RUNX1: variants seen among roughly 807,000 people sequenced by gnomAD.
RUNX1 encodes the protein runt-related transcription factor 1.
A neutral mutation model predicts 42.8 loss-of-function variants in RUNX1; 19 were observed. The ratio of observed to expected loss-of-function variants is 0.44; its 90% confidence interval spans 0.31 to 0.65. The LOEUF (loss-of-function observed/expected upper bound fraction) is 0.65. Ranked by LOEUF, RUNX1 falls within the 30% of genes least tolerant of loss-of-function variation. The probability of loss-of-function intolerance (pLI) is 0.07; values close to 1 mark genes in which losing one functional copy is unlikely to be tolerated. For missense variants in RUNX1, 528 were observed against 672.0 expected, an observed-to-expected ratio of 0.79 and a Z score of 2.37; for synonymous variants, 271 against 289.4, an observed-to-expected ratio of 0.94 and a Z score of 0.64.
At chr21:35,030,878 C>T (rs1433797787) in intron 2 of RUNX1, among the ~76,000 whole-genome samples, 1 of 151,826 alleles carries the variant, frequency 6.6e-6, no homozygotes, top group Non-Finnish European at 1.5e-5. Flanking sequence ...AACTCAATAG[C>T]AAGGAAATAA....
At position 34,834,507 on chromosome 21, in the gene RUNX1, C is replaced by G. The variant is rs1060502578; in HGVS notation, c.708G>C (p.Met236Ile). Residue 236 changes from methionine to isoleucine, a missense_variant, in exon 7 of 9, where the codon ATG (methionine) becomes ATC (isoleucine). Coordinates refer to ENST00000675419, the MANE Select transcript of RUNX1 (RefSeq NM_001754.5). ...GGGCTGGGTGGTGTGGGCTGACCCT[C>G]ATGGCTGTGCGCCGCAGCTGCTCCA... ...SELEQLRRTA[M>I]RVSPHHPAPT... 1 of 1,613,408 alleles carries G rather than the reference C, an allele frequency of 6.2e-7. No individual in the cohort carries two copies. Among genetic ancestry groups the G allele is most frequent in the Non-Finnish European group, 8.5e-7 (1 of 1,179,988 alleles).
intron 6 of RUNX1, among the ~76,000 whole-genome samples, chr21:34,854,304 A>G (rs1200929723): frequency 6.6e-6 from 1 of 152,224 alleles, no homozygotes; most frequent in Non-Finnish European, 1.5e-5. Context: ...AGGCCCTTTG[A>G]TCAACCTATT....
chr21:35,019,766 AAGCCAAG>A (rs1458375234), intron 2 of RUNX1, among the ~76,000 whole-genome samples: 7 of 152,262 alleles, frequency 4.6e-5, no homozygotes, highest in Non-Finnish European at 1.0e-4. Flanking sequence ...AAACCTGCCG[AAGCCAAG>A]TCCATCGCCA....
chr21:34,995,555 C>T (rs1207630297), intron 2 of RUNX1, among the ~76,000 whole-genome samples: 1 of 151,568 alleles, frequency 6.6e-6, no homozygotes, highest in Admixed American at 6.6e-5. Context: ...ACCCTCCTGC[C>T]TCAGCCTCTC....
chr21:34,820,037 C>T (rs945804479), intron 7 of RUNX1, among the ~76,000 whole-genome samples: 4 of 152,380 alleles, frequency 2.6e-5, no homozygotes, highest in Middle Eastern at 3.4e-3. Flanking sequence ...TGACCATTCA[C>T]ATTTGTTGAA....
chr21:34,886,122 T>A (rs2057982651), intron 4 of RUNX1, among the ~76,000 whole-genome samples: 1 of 152,168 alleles, frequency 6.6e-6, no homozygotes, highest in African/African-American at 2.4e-5. Flanking sequence ...GACCCCTGGC[T>A]CTCCGAAAAC....
In RUNX1 at chr21:34,877,079, G is replaced by A. The variant is rs1601508890; in HGVS notation, c.508+3478C>T. Among the ~76,000 whole-genome samples the A allele has an allele frequency of 2.6e-5, 4 of 152,210 alleles. No homozygotes were observed. The East Asian group carries it at 7.7e-4, about 29-fold the overall frequency. On this transcript the variant is annotated intron_variant, in intron 5 of 8. Coordinates refer to ENST00000675419, the MANE Select transcript of RUNX1 (RefSeq NM_001754.5). ...TCACCATGTTGGCCAGGCTGGTCTT[G>A]AACTCCTGACCTCAGGTGATCCACC...
chr21:34,971,996 T>TA (rs1206426437), intron 2 of RUNX1, among the ~76,000 whole-genome samples: 1 of 152,186 alleles, frequency 6.6e-6, no homozygotes, highest in Non-Finnish European at 1.5e-5. Context: ...ACCATAATTT[T>TA]AAAAATATAG....
intron 2 of RUNX1, among the ~76,000 whole-genome samples, chr21:35,030,079 C>G (rs537051370): frequency 6.6e-6 from 1 of 152,198 alleles, no homozygotes; most frequent in Admixed American, 6.5e-5. Flanking sequence ...TGCGGTGGCT[C>G]ACGCCTGTAA....
chr21:34,966,261 C>A (rs2058717523), intron 2 of RUNX1, among the ~76,000 whole-genome samples: 1 of 152,156 alleles, frequency 6.6e-6, no homozygotes, highest in Non-Finnish European at 1.5e-5. Context: ...TACCTTGCAT[C>A]ATGAATAATA....
chr21:34,861,277 C>G (rs1192843100), intron 5 of RUNX1, among the ~76,000 whole-genome samples: 3 of 152,156 alleles, frequency 2.0e-5, no homozygotes, highest in Non-Finnish European at 4.4e-5. Flanking sequence ...CTTGGCCAGG[C>G]CCAGCAAGCA....
At position 34,887,001 on chromosome 21, in the gene RUNX1, C is replaced by T. The variant is rs2146412555; in HGVS notation, c.193G>A (p.Ala65Thr). 1 of 1,603,750 alleles carries T rather than the reference C, an allele frequency of 6.2e-7. No individual in the cohort carries two copies. Among genetic ancestry groups the T allele is most frequent in the African/African-American group, 1.3e-5 (1 of 74,906 alleles). Residue 65 changes from alanine (A) to threonine (T), a missense_variant, in exon 4 of 9, where the codon GCT becomes ACT. By Grantham distance (58) the Ala-to-Thr change is moderately conservative (BLOSUM62 0). Transcript: ENST00000675419. ...ALPLGAPDAG[A>T]ALAGKLRSGD... ...CTCCTCAGCTTGCCGGCCAGGGCAG[C>T]GCCGGCGTCCGGGGCGCCCAGCGGC... is the stretch of plus-strand genomic sequence containing the variant.
At chr21:34,876,845 C>T (rs561643157) in intron 5 of RUNX1, among the ~76,000 whole-genome samples, 26 of 144,346 alleles carry the variant, frequency 1.8e-4, no homozygotes, top group African/African-American at 6.1e-4. Flanking sequence ...GATTTCATTG[C>T]TAAAATTTCT....
At chr21:34,928,615 G>A (rs1347785970) in intron 2 of RUNX1, among the ~76,000 whole-genome samples, 1 of 151,840 alleles carries the variant, frequency 6.6e-6, no homozygotes, top group African/African-American at 2.4e-5. Flanking sequence ...CAGAGGTGGA[G>A]GTTGCAGTGA....
intron 2 of RUNX1, among the ~76,000 whole-genome samples, chr21:34,924,124 T>A (rs893687348): frequency 6.6e-5 from 10 of 152,214 alleles, no homozygotes; most frequent in Non-Finnish European, 1.5e-4. Context: ...TCTTCCCCTA[T>A]GATGGCTAAC....
rs906866515 is a variant in RUNX1 at position 34,901,289 on chromosome 21, A to G, written c.59-8326T>C. ...CACTTTGGGAGGCAGAGGCGGGTGG[A>G]TCATGAGGTCAAGAGTTTGAGACCA... On this transcript the variant is annotated intron_variant, in intron 2 of 8. Transcript: ENST00000675419. This position sits in a 1 kb window ranked among gnomAD's most constrained non-coding sequence, Gnocchi z 4.3. Among the ~76,000 whole-genome samples, 2 of 152,028 alleles carry G rather than the reference A, an allele frequency of 1.3e-5. No individual in the cohort carries two copies. Among genetic ancestry groups the G allele is most frequent in the African/African-American group, 4.8e-5 (2 of 41,476 alleles).
intron 2 of RUNX1, among the ~76,000 whole-genome samples, chr21:34,985,610 G>C (rs1258930233): frequency 3.9e-5 from 6 of 152,164 alleles, no homozygotes; most frequent in African/African-American, 1.4e-4. Flanking sequence ...AATGTTTAGG[G>C]TGGAGCCCTT....
At chr21:35,020,630 G>A (rs2059191664) in intron 2 of RUNX1, among the ~76,000 whole-genome samples, 1 of 152,112 alleles carries the variant, frequency 6.6e-6, no homozygotes, top group Admixed American at 6.6e-5. Flanking sequence ...GGAAGAGGAA[G>A]CTGCCAACGT....
intron 6 of RUNX1, among the ~76,000 whole-genome samples, chr21:34,852,260 T>A (rs1446156794): frequency 6.6e-6 from 1 of 152,132 alleles, no homozygotes. Flanking sequence ...TTACCAAGAA[T>A]ACACAGGCCA....
Sources: allele counts gnomAD v4.1 joint callset (sites outside exome capture counted in the v4.1 genomes callset), GRCh38; gene constraint gnomAD v4.1.1; non-coding constraint Gnocchi (gnomAD v3.1); transcripts MANE v1.5; gene names NCBI Gene and HGNC (gene_info 2026-07-23, HGNC 2026-07-21).